Variants in PDGFC observed in about 807,000 individuals in gnomAD.
PDGFC encodes the protein platelet derived growth factor C.
Under a neutral mutation model 35.5 loss-of-function variants are expected in PDGFC, and 12 were observed. The observed-to-expected ratio is 0.34, with a 90% confidence interval of 0.22 to 0.55. The LOEUF (loss-of-function observed/expected upper bound fraction) is 0.55. PDGFC is among the 20% of genes least tolerant of loss of function. PDGFC has a pLI of 0.91. For synonymous variants in PDGFC, 159 were observed against 148.8 expected, an observed-to-expected ratio of 1.07 and a Z score of -0.50; for missense variants, 322 against 412.4, an observed-to-expected ratio of 0.78 and a Z score of 1.90.
At chr4:156,913,958 T>C (rs1045694638) in intron 1 of PDGFC, among the ~76,000 whole-genome samples, 2 of 152,208 alleles carry the variant, frequency 1.3e-5, no homozygotes, top group African/African-American at 4.8e-5. Flanking sequence ...TATTAGGTAC[T>C]GAGTCATCCC....
intron 1 of PDGFC, among the ~76,000 whole-genome samples, chr4:156,933,768 A>G (rs1409479208): frequency 6.6e-6 from 1 of 152,068 alleles, no homozygotes; most frequent in Non-Finnish European, 1.5e-5. Context: ...ATAGAGAATG[A>G]GTTCTCCCAA....
At chr4:156,935,366 A>T (rs1396129730) in intron 1 of PDGFC, among the ~76,000 whole-genome samples, 1 of 152,210 alleles carries the variant, frequency 6.6e-6, no homozygotes, top group Non-Finnish European at 1.5e-5. Context: ...CAAATACAAA[A>T]ATCAGTAACA....
rs72974674 is a variant in PDGFC at position 156,809,581 on chromosome 4, T to C, written c.495+1256A>G. The stretch of plus-strand genomic sequence containing the variant: ...ACTGAGCTAGCTGCTATAAATACCA[T>C]ACATATACTATGTCTACTATGTATA... On this transcript the variant is annotated intron_variant, in intron 3 of 5. Transcript: ENST00000502773. 7.2e-3 allele frequency among the ~76,000 whole-genome samples: 1,088 copies of C among 152,154 alleles called. 17 individuals are homozygous for C. The highest frequency in any genetic ancestry group is 0.025 in the African/African-American group (1,018 of 41,528).
intron 5 of PDGFC, among the ~76,000 whole-genome samples, chr4:156,766,847 T>C (rs1162806483): frequency 2.6e-5 from 4 of 152,118 alleles, no homozygotes; most frequent in Non-Finnish European, 5.9e-5. Flanking sequence ...CAAGGGACCC[T>C]GTTTCCATTC....
At chr4:156,920,672 C>A (rs796878991) in intron 1 of PDGFC, among the ~76,000 whole-genome samples, 1 of 130,446 alleles carries the variant, frequency 7.7e-6, no homozygotes, top group African/African-American at 4.6e-5. Flanking sequence ...CACACACACA[C>A]ACACACACAC....
intron 2 of PDGFC, among the ~76,000 whole-genome samples, chr4:156,814,119 C>G (rs1321959042): frequency 1.7e-5 from 2 of 118,672 alleles, no homozygotes; most frequent in Non-Finnish European, 3.2e-5. Context: ...TATCTACTTT[C>G]TATGATTTAA....
rs1303422373 is a variant in PDGFC at position 156,850,228 on chromosome 4, T to C, written c.307A>G (p.Ile103Val). The change falls in exon 2 of 6, where the codon ATA becomes GTA. Residue 103 changes from isoleucine (I) to valine (V), a missense_variant. Physicochemically the swap from Ile to Val is conservative, Grantham distance 29. Around this residue, in one of 2 missense-constraint regions of PDGFC, gnomAD observed 202 missense variants for 295.9 expected, o/e 0.68. Coordinates refer to ENST00000502773, the MANE Select transcript of PDGFC (RefSeq NM_016205.3). ...RFGLEDPEDDICKYDFVEVEE... is the reference protein window; with the variant it reads ...RFGLEDPEDDVCKYDFVEVEE... ...TCAAGTATGATCACTTACTTGCATA[T>C]GTCATCTTCTGGGTCTTCAAGCCCA... The C allele has an allele frequency of 6.4e-7, 1 of 1,553,612 alleles. No homozygotes were observed. Among genetic ancestry groups the C allele is most frequent in the South Asian group, 1.2e-5 (1 of 81,664 alleles).
At chr4:156,935,198 A>G (rs759912449) in intron 1 of PDGFC, among the ~76,000 whole-genome samples, 1 of 152,076 alleles carries the variant, frequency 6.6e-6, no homozygotes, top group Non-Finnish European at 1.5e-5. Context: ...GGGTTTCACC[A>G]TGTTGGCCAG....
At chr4:156,885,032 T>C (rs1730341293) in intron 1 of PDGFC, among the ~76,000 whole-genome samples, 1 of 152,206 alleles carries the variant, frequency 6.6e-6, no homozygotes, top group Admixed American at 6.5e-5. Flanking sequence ...TTTACTTGTT[T>C]TTCATATTTG....
At chr4:156,891,635 G>A (rs1358448218) in intron 1 of PDGFC, among the ~76,000 whole-genome samples, 1 of 152,102 alleles carries the variant, frequency 6.6e-6, no homozygotes, top group African/African-American at 2.4e-5. Context: ...TTGCCAGTAA[G>A]AAAAGACAAA....
In PDGFC at chr4:156,948,562, C is replaced by T. The variant is rs374653006; in HGVS notation, c.118+22224G>A. Among the ~76,000 whole-genome samples the T allele has an allele frequency of 1.5e-4, 23 of 151,988 alleles. 1 individual carries two copies. Among genetic ancestry groups the T allele is most frequent in the East Asian group, 7.8e-4 (4 of 5,146 alleles). Reference sequence around the variant, plus strand: ...GAAAATGCTATTTGTATTTGCCTTCCCTGAACCCTCTGTTTAAATTAGGTT... The same window carrying T: ...GAAAATGCTATTTGTATTTGCCTTCTCTGAACCCTCTGTTTAAATTAGGTT... On this transcript the variant is annotated intron_variant, in intron 1 of 5. Transcript: ENST00000502773.
intron 3 of PDGFC, among the ~76,000 whole-genome samples, chr4:156,800,155 T>G (rs1468874634): frequency 6.6e-6 from 1 of 152,172 alleles, no homozygotes; most frequent in Non-Finnish European, 1.5e-5. Flanking sequence ...AATATTTCAA[T>G]ATGGGGATTA....
chr4:156,874,411 CCTTT>C (rs1730059998), intron 1 of PDGFC, among the ~76,000 whole-genome samples: 6 of 152,062 alleles, frequency 3.9e-5, no homozygotes, highest in Admixed American at 3.9e-4. Flanking sequence ...TTAAGCCTCT[CCTTT>C]GAGAGGCTTA....
chr4:156,830,629 C>T (rs567883167), intron 2 of PDGFC, among the ~76,000 whole-genome samples: 25 of 152,244 alleles, frequency 1.6e-4, no homozygotes, highest in Admixed American at 3.3e-4. Flanking sequence ...TGTCATAGGT[C>T]AAGAACGTAC....
At chr4:156,907,087 T>G (rs947080673) in intron 1 of PDGFC, among the ~76,000 whole-genome samples, 2 of 152,176 alleles carry the variant, frequency 1.3e-5, no homozygotes, top group African/African-American at 4.8e-5. Context: ...ATGTAAATAC[T>G]TGGAGCCCAG....
intron 1 of PDGFC, among the ~76,000 whole-genome samples, chr4:156,965,534 C>A (rs1157689241): frequency 6.6e-6 from 1 of 151,970 alleles, no homozygotes; most frequent in Non-Finnish European, 1.5e-5. Context: ...AGAAAAAAGA[C>A]CTCTCTGAGG....
chr4:156,965,937 G>A (rs761144603), intron 1 of PDGFC, among the ~76,000 whole-genome samples: 118 of 152,268 alleles, frequency 7.7e-4, no homozygotes, highest in Non-Finnish European at 1.3e-3. Flanking sequence ...CAGGGTTGCA[G>A]AAGTATCTCA....
chr4:156,801,358 G>T (rs145261969), intron 3 of PDGFC, among the ~76,000 whole-genome samples: 4 of 152,216 alleles, frequency 2.6e-5, no homozygotes, highest in Non-Finnish European at 5.9e-5. Context: ...GGCTCTATGT[G>T]CATTAAACTC....
chr4:156,867,071 T>C (rs867247127), intron 1 of PDGFC, among the ~76,000 whole-genome samples: 8 of 152,202 alleles, frequency 5.3e-5, no homozygotes, highest in African/African-American at 1.9e-4. Flanking sequence ...ATAAAAAAAG[T>C]AGAGTATAAT....
Sources: gnomAD v4.1 joint callset for allele counts (sites outside exome capture counted in the v4.1 genomes callset) on GRCh38, gnomAD v4.1.1 for gene constraint, gnomAD v4.1.1 regional missense constraint, MANE v1.5 for transcripts, NCBI Gene and HGNC (gene_info 2026-07-23, HGNC 2026-07-21) for gene names.